CCDC7: variants seen among roughly 807,000 people sequenced by gnomAD.
The protein encoded by CCDC7 is coiled-coil domain-containing protein 7.
A neutral mutation model predicts 196.9 loss-of-function variants in CCDC7; 183 were observed. That is an observed-to-expected ratio of 0.93 (90% confidence interval 0.82 to 1.05). CCDC7 has a LOEUF of 1.05. Among genes scored for constraint, CCDC7 ranks in the 50% least tolerant of loss-of-function variants. The probability of loss-of-function intolerance (pLI) is 0.00; values close to 1 mark genes in which losing one functional copy is unlikely to be tolerated. For synonymous variants in CCDC7, 525 were observed against 484.6 expected, an observed-to-expected ratio of 1.08 and a Z score of -1.10; for missense variants, 1,540 against 1,482.2, an observed-to-expected ratio of 1.04 and a Z score of -0.64.
rs536001617 is a variant in CCDC7, at chr10:32,707,562, T to G, written c.2459-4058T>G. Reference sequence around the variant, plus strand: ...GTTTGCAGATGACATGATTGTATATTTATAAAACCCCATCGTCTCAGCCCA... The same window carrying G: ...GTTTGCAGATGACATGATTGTATATGTATAAAACCCCATCGTCTCAGCCCA... On this transcript the variant is annotated intron_variant, in intron 24 of 41. Coordinates refer to ENST00000639629, the Ensembl canonical transcript of CCDC7. 8.6e-4 allele frequency among the ~76,000 whole-genome samples: 131 copies of G among 152,152 alleles called. 1 individual carries two copies. Among genetic ancestry groups the G allele is most frequent in the African/African-American group, 2.9e-3 (119 of 41,504 alleles).
At chr10:32,720,720 A>G (rs1464325540) in intron 25 of CCDC7, among the ~76,000 whole-genome samples, 1 of 152,048 alleles carries the variant, frequency 6.6e-6, no homozygotes, top group Admixed American at 6.6e-5. Flanking sequence ...ATAGTTGATG[A>G]CCCTCAGACT....
chr10:32,636,376 C>G (rs899469616), intron 20 of CCDC7, among the ~76,000 whole-genome samples: 2 of 152,132 alleles, frequency 1.3e-5, no homozygotes, highest in East Asian at 1.9e-4. Flanking sequence ...CTATCCCTCC[C>G]CCTACCCCCA....
At chr10:32,825,015 C>A (rs980558755) in intron 32 of CCDC7, among the ~76,000 whole-genome samples, 6 of 152,132 alleles carry the variant, frequency 3.9e-5, no homozygotes, top group African/African-American at 1.2e-4. Flanking sequence ...TGTTATCAGG[C>A]AAATTGACAA....
chr10:32,596,159 T>A (rs1426048746), intron 18 of CCDC7, among the ~76,000 whole-genome samples: 1 of 152,074 alleles, frequency 6.6e-6, no homozygotes, highest in East Asian at 1.9e-4. Flanking sequence ...AATCTCCTAT[T>A]ATTATTGCGT....
At chr10:32,627,070 T>G (rs1233770767) in intron 18 of CCDC7, among the ~76,000 whole-genome samples, 2 of 151,776 alleles carry the variant, frequency 1.3e-5, no homozygotes, top group African/African-American at 4.8e-5. Context: ...GAATGTAAAA[T>G]TTTTCTATGT....
chr10:32,850,419 T>C (rs924021879), intron 39 of CCDC7, among the ~76,000 whole-genome samples: 3 of 152,192 alleles, frequency 2.0e-5, no homozygotes, highest in African/African-American at 7.2e-5. Flanking sequence ...CAAGCCTCAA[T>C]GTATGAGCAG....
At position 32,555,131 on chromosome 10, in the gene CCDC7, T is replaced by G. The variant is rs141802253; in HGVS notation, c.1135-10427T>G. ...TTACATTGCTTCTAAATCTTAGTTATTTTTGAATTGTGGTGCAATAAACAT... is the reference window on the plus strand; with the variant it reads ...TTACATTGCTTCTAAATCTTAGTTAGTTTTGAATTGTGGTGCAATAAACAT... On this transcript the variant is annotated intron_variant, in intron 13 of 41. Transcript: ENST00000639629. Among the ~76,000 whole-genome samples the G allele has an allele frequency of 9.5e-4, 145 of 152,362 alleles. 5 individuals are homozygous for G. In the East Asian group the frequency reaches 0.027, roughly 28 times the overall value.
chr10:32,562,227 G>A (rs12252815), intron 13 of CCDC7, among the ~76,000 whole-genome samples: 2,553 of 152,270 alleles, frequency 0.017, 73 homozygotes, highest in African/African-American at 0.058. Flanking sequence ...GAGGTACAAG[G>A]AGGAATTGGT....
intron 21 of CCDC7, among the ~76,000 whole-genome samples, chr10:32,666,725 G>T (rs1341394533): frequency 1.3e-5 from 2 of 151,804 alleles, no homozygotes; most frequent in Middle Eastern, 6.8e-3. Context: ...TTATGGTTGC[G>T]TATTATTCCA....
At chr10:32,773,878 T>C (rs112216518) in intron 28 of CCDC7, among the ~76,000 whole-genome samples, 24 of 152,150 alleles carry the variant, frequency 1.6e-4, no homozygotes, top group African/African-American at 5.8e-4. Flanking sequence ...AGACTTATAG[T>C]GAGAACTGGA....
intron 8 of CCDC7, among the ~76,000 whole-genome samples, chr10:32,482,292 A>G (rs1269334519): frequency 6.6e-6 from 1 of 152,012 alleles, no homozygotes; most frequent in African/African-American, 2.4e-5. Flanking sequence ...TAGTGTACCC[A>G]TCACCTGAAT....
chr10:32,807,094 C>G (rs1002858074), intron 30 of CCDC7, among the ~76,000 whole-genome samples: 1 of 152,018 alleles, frequency 6.6e-6, no homozygotes, highest in Non-Finnish European at 1.5e-5. Flanking sequence ...AAAATTTATT[C>G]CTATCAGAAC....
intron 29 of CCDC7, among the ~76,000 whole-genome samples, chr10:32,797,208 CATAT>C (rs2083749120): frequency 6.9e-6 from 1 of 144,604 alleles, no homozygotes; most frequent in African/African-American, 2.7e-5. Flanking sequence ...TATATACACA[CATAT>C]ACACACACAC....
intron 33 of CCDC7, among the ~76,000 whole-genome samples, chr10:32,842,473 A>G (rs761447859): frequency 5.9e-5 from 9 of 152,060 alleles, no homozygotes; most frequent in Non-Finnish European, 1.3e-4. Flanking sequence ...AGCGAAAAGG[A>G]AACATTTTTA....
chr10:32,671,406 A>T (rs1002223949), intron 21 of CCDC7, among the ~76,000 whole-genome samples: 5 of 152,184 alleles, frequency 3.3e-5, no homozygotes, highest in African/African-American at 1.2e-4. Context: ...ACTATATCAT[A>T]TAACTTAGGT....
intron 13 of CCDC7, among the ~76,000 whole-genome samples, chr10:32,557,575 T>A (rs1037856891): frequency 6.6e-6 from 1 of 152,186 alleles, no homozygotes; most frequent in Non-Finnish European, 1.5e-5. Flanking sequence ...TTTGTATCGA[T>A]ATATTTTCAA....
At chr10:32,711,126 G>GTGTA (rs1555042333) in intron 24 of CCDC7, among the ~76,000 whole-genome samples, 84 of 146,742 alleles carry the variant, frequency 5.7e-4, no homozygotes, top group African/African-American at 2.1e-3. Context: ...GTGTGTGTGT[G>GTGTA]TATATATATA....
chr10:32,678,799 GTTC>G (rs2075414654), intron 21 of CCDC7, among the ~76,000 whole-genome samples: 1 of 152,098 alleles, frequency 6.6e-6, no homozygotes, highest in Non-Finnish European at 1.5e-5. Context: ...AGATGAAACT[GTTC>G]TTATTATCCT....
At chr10:32,769,326 A>T (rs1377886565) in intron 28 of CCDC7, among the ~76,000 whole-genome samples, 3 of 151,376 alleles carry the variant, frequency 2.0e-5, no homozygotes, top group African/African-American at 7.3e-5. Flanking sequence ...ATCTTTTTAA[A>T]TTTCTGTGGT....
Sources: allele counts gnomAD v4.1 joint callset (sites outside exome capture counted in the v4.1 genomes callset), GRCh38; gene constraint gnomAD v4.1.1; transcripts MANE v1.5; gene names NCBI Gene and HGNC (gene_info 2026-07-23, HGNC 2026-07-21).